PRELID2: variants seen among roughly 807,000 people sequenced by gnomAD.
The protein encoded by PRELID2 is PRELI domain-containing protein 2.
Under a neutral mutation model 28.4 loss-of-function variants are expected in PRELID2, and 25 were observed. The ratio of observed to expected loss-of-function variants is 0.88; its 90% CI spans 0.64 to 1.23. PRELID2 has a LOEUF of 1.23. Ranked by LOEUF, PRELID2 falls within the 50% of genes most tolerant of loss-of-function variation. The pLI, the probability that PRELID2 is intolerant of heterozygous loss-of-function variation, is 0.00. For synonymous variants in PRELID2, 76 were observed against 71.6 expected (o/e 1.06, Z -0.31); for missense variants, 201 against 214.4 (o/e 0.94, Z 0.39).
At chr5:145,339,323 G>A in the PRELID2 span, among the ~76,000 whole-genome samples, 2 of 152,214 alleles carry the variant, frequency 1.3e-5, no homozygotes, top group African/African-American at 4.8e-5. Flanking sequence ...GCCAGGATTG[G>A]CGGGGAGCTT....
At chr5:145,762,988 T>C (rs1757544886) in intron 6 of PRELID2, among the ~76,000 whole-genome samples, 1 of 152,202 alleles carries the variant, frequency 6.6e-6, no homozygotes, top group South Asian at 2.1e-4. Flanking sequence ...GAAACACAAA[T>C]GCTCAGGCCC....
downstream of PRELID2, among the ~76,000 whole-genome samples, chr5:145,469,921 A>G (rs1752036454): frequency 6.6e-6 from 1 of 152,096 alleles, no homozygotes; most frequent in African/African-American, 2.4e-5. Context: ...AATTCCCCTA[A>G]GTGTTTCACA....
At chr5:145,780,686 T>C (rs1028090844) in intron 5 of PRELID2, among the ~76,000 whole-genome samples, 1 of 152,206 alleles carries the variant, frequency 6.6e-6, no homozygotes, top group Non-Finnish European at 1.5e-5. Flanking sequence ...CTATTTCAAA[T>C]GTATCAGGAA....
chr5:145,731,106 C>T (rs1293040951), intron 1 of PRELID2, among the ~76,000 whole-genome samples: 3 of 152,182 alleles, frequency 2.0e-5, no homozygotes, highest in Non-Finnish European at 2.9e-5. Context: ...AGCTGCATTT[C>T]GTGTTTCTTT....
the PRELID2 span, among the ~76,000 whole-genome samples, chr5:145,321,988 ATT>A: frequency 3.9e-5 from 6 of 152,124 alleles, no homozygotes; most frequent in African/African-American, 1.4e-4. Flanking sequence ...ATTTTGATCG[ATT>A]TTTGTTTGTA....
intron 1 of PRELID2, among the ~76,000 whole-genome samples, chr5:145,544,151 C>T (rs1752767295): frequency 6.6e-6 from 1 of 152,056 alleles, no homozygotes; most frequent in African/African-American, 2.4e-5. Context: ...TAGAGGCAGA[C>T]TTTGATCCCA....
chr5:145,328,846 T>C, the PRELID2 span, among the ~76,000 whole-genome samples: 1 of 152,222 alleles, frequency 6.6e-6, no homozygotes, highest in African/African-American at 2.4e-5. Context: ...ATGAAGTCTT[T>C]TCCCATGCCT....
At chr5:145,553,527 G>A (rs535116273) in intron 1 of PRELID2, among the ~76,000 whole-genome samples, 34 of 152,192 alleles carry the variant, frequency 2.2e-4, no homozygotes, top group South Asian at 4.2e-4. Flanking sequence ...GTTCATACTT[G>A]TCCCACAGTT....
chr5:145,652,953 G>A (rs1377074314), intron 1 of PRELID2, among the ~76,000 whole-genome samples: 2 of 152,132 alleles, frequency 1.3e-5, no homozygotes, highest in South Asian at 2.1e-4. Context: ...GACACAGACT[G>A]GCAAATTGGA....
intron 1 of PRELID2, among the ~76,000 whole-genome samples, chr5:145,492,080 A>C (rs528147250): frequency 3.7e-4 from 57 of 152,234 alleles, no homozygotes; most frequent in African/African-American, 1.4e-3. Context: ...ATCTTATAGT[A>C]GTTCTATTTT....
chr5:145,621,455 T>G (rs6876787), intron 1 of PRELID2, among the ~76,000 whole-genome samples: 26,567 of 152,066 alleles, frequency 0.17, 3,832 homozygotes, highest in African/African-American at 0.38. Context: ...ACCACTGTTT[T>G]TAGCAACATT....
At chr5:145,392,839 C>T in the PRELID2 span, among the ~76,000 whole-genome samples, 1,171 of 152,232 alleles carry the variant, frequency 7.7e-3, 11 homozygotes, top group African/African-American at 0.026. Flanking sequence ...AAATATTCTC[C>T]TTTCCATCTT....
At chr5:145,471,916 C>T (rs1373876354) in exon 3 of PRELID2, 1 of 152,132 alleles carries the variant, frequency 6.6e-6, no homozygotes, top group African/African-American at 2.4e-5. Flanking sequence ...GGTAAAGGAA[C>T]TGCTTCCCAG....
intron 1 of PRELID2, among the ~76,000 whole-genome samples, chr5:145,589,592 T>C (rs148146994): frequency 3.3e-4 from 51 of 152,298 alleles, no homozygotes; most frequent in Non-Finnish European, 2.1e-4. Context: ...TTTGCATTTA[T>C]TCTTATGTGA....
At chr5:145,585,015 G>A (rs1477178133) in intron 1 of PRELID2, among the ~76,000 whole-genome samples, 1 of 152,118 alleles carries the variant, frequency 6.6e-6, no homozygotes, top group Non-Finnish European at 1.5e-5. Flanking sequence ...ATTCACAATA[G>A]AAAAGACATG....
chr5:145,418,507 C>A, the PRELID2 span, among the ~76,000 whole-genome samples: 1 of 152,180 alleles, frequency 6.6e-6, no homozygotes, highest in East Asian at 1.9e-4. Context: ...GCTACAGTAA[C>A]CAAAACAGCA....
At chr5:145,819,521 T>C in intron 3 of PRELID2, 2 of 686,326 alleles carry the variant, frequency 2.9e-6, no homozygotes, top group South Asian at 1.9e-5. Flanking sequence ...AACCTTATAC[T>C]CTGGGAAATA....
chr5:145,310,835 G>A, the PRELID2 span, among the ~76,000 whole-genome samples: 1 of 151,854 alleles, frequency 6.6e-6, no homozygotes, highest in African/African-American at 2.4e-5. Flanking sequence ...GCAGACATCA[G>A]GTGGAAGTTT....
intron 1 of PRELID2, among the ~76,000 whole-genome samples, chr5:145,556,938 T>G (rs1281179442): frequency 3.3e-5 from 5 of 152,142 alleles, no homozygotes; most frequent in African/African-American, 1.2e-4. Flanking sequence ...CCTTTTCTCA[T>G]CTCTCTGACA....
Sources: allele counts gnomAD v4.1 joint callset (sites outside exome capture counted in the v4.1 genomes callset), GRCh38; gene constraint gnomAD v4.1.1; transcripts MANE v1.5; gene names NCBI Gene and HGNC (gene_info 2026-07-23, HGNC 2026-07-21).